Variants in SLC8A1 observed in about 807,000 individuals in gnomAD.
The protein encoded by SLC8A1 is solute carrier family 8 member A1.
A neutral mutation model predicts 68.3 loss-of-function variants in SLC8A1; 18 were observed. The ratio of observed to expected loss-of-function variants is 0.26; its 90% CI spans 0.18 to 0.39. The LOEUF (loss-of-function observed/expected upper bound fraction) is 0.39, where lower values mean the gene tolerates loss of function less well. Among genes scored for constraint, SLC8A1 ranks in the 10% least tolerant of loss-of-function variants. The pLI is 1.00. For synonymous variants in SLC8A1, 475 were observed against 415.5 expected, an observed-to-expected ratio of 1.14 and a Z score of -1.74; for missense variants, 985 against 1,156.7, an observed-to-expected ratio of 0.85 and a Z score of 2.15.
intron 2 of SLC8A1, among the ~76,000 whole-genome samples, chr2:40,338,676 G>A (rs1175592492): frequency 6.6e-6 from 1 of 152,180 alleles, no homozygotes; most frequent in African/African-American, 2.4e-5. Context: ...AACAAAACAA[G>A]TTGTGTCATA....
chr2:40,464,296 A>C (rs1363644027), intron 1 of SLC8A1, among the ~76,000 whole-genome samples: 1 of 152,204 alleles, frequency 6.6e-6, no homozygotes, highest in Non-Finnish European at 1.5e-5. Flanking sequence ...GTAAACAAAA[A>C]CAGCACTGGC....
chr2:40,113,721 T>C (rs1174100866), exon 8 of SLC8A1: 1 of 152,690 alleles, frequency 6.5e-6, no homozygotes, highest in African/African-American at 2.4e-5. Flanking sequence ...AAATAAATAC[T>C]TTGCAGGGAG....
At chr2:40,447,778 A>T (rs1172818587) in intron 1 of SLC8A1, among the ~76,000 whole-genome samples, 1 of 152,182 alleles carries the variant, frequency 6.6e-6, no homozygotes, top group Non-Finnish European at 1.5e-5. Flanking sequence ...GAACCTGGGA[A>T]TGCTTTGCCC....
intron 1 of SLC8A1, among the ~76,000 whole-genome samples, chr2:40,509,954 A>C (rs1344490308): frequency 6.6e-6 from 1 of 151,800 alleles, no homozygotes. Context: ...CAGCCTCCCG[A>C]GTAGCTGGGA....
chr2:40,265,181 G>A (rs547734012), intron 2 of SLC8A1, among the ~76,000 whole-genome samples: 32 of 152,316 alleles, frequency 2.1e-4, no homozygotes, highest in African/African-American at 7.7e-4. Context: ...TAGACGATGG[G>A]CATGCAGCAT....
chr2:40,294,561 G>T (rs1044500878), intron 2 of SLC8A1, among the ~76,000 whole-genome samples: 1 of 152,036 alleles, frequency 6.6e-6, no homozygotes, highest in African/African-American at 2.4e-5. Flanking sequence ...GGGAGAGAGA[G>T]GGAGAGAGAG....
chr2:40,308,528 T>G (rs1241746260), intron 2 of SLC8A1, among the ~76,000 whole-genome samples: 4 of 152,084 alleles, frequency 2.6e-5, no homozygotes, highest in African/African-American at 9.7e-5. Context: ...AGGAAGAAGC[T>G]TGGAAGGTTT....
At chr2:40,382,602 A>G (rs1682220600) in intron 2 of SLC8A1, among the ~76,000 whole-genome samples, 1 of 152,126 alleles carries the variant, frequency 6.6e-6, no homozygotes, top group South Asian at 2.1e-4. Context: ...TAAAGAAGAC[A>G]ATTATAAAAG....
In SLC8A1 at chr2:40,129,405, C is replaced by CT. The variant is rs11366756; in HGVS notation, c.2437+9995dup. On this transcript the variant is annotated intron_variant, in intron 7 of 7. Coordinates refer to ENST00000406785, the Ensembl canonical transcript of SLC8A1. The stretch of plus-strand genomic sequence containing the variant: ...ACCACCATGCCCAGCTAATTTAAAA[C>CT]TTTTTTTTTTTGTAGACACAGGGTC... Among the ~76,000 whole-genome samples, 122 of 149,834 alleles carry CT rather than the reference C, an allele frequency of 8.1e-4. 2 individuals carry two copies. The highest frequency in any genetic ancestry group is 2.8e-3 in the African/African-American group (116 of 40,746).
intron 2 of SLC8A1, among the ~76,000 whole-genome samples, chr2:40,300,958 T>C (rs976400747): frequency 6.6e-6 from 1 of 152,100 alleles, no homozygotes; most frequent in African/African-American, 2.4e-5. Context: ...TACGTAATTG[T>C]CCTTTTTATG....
intron 2 of SLC8A1, among the ~76,000 whole-genome samples, chr2:40,321,296 C>T (rs182434059): frequency 2.7e-4 from 41 of 151,762 alleles, no homozygotes; most frequent in Non-Finnish European, 5.4e-4. Context: ...GTATGGTTTG[C>T]ACAAGTAAAT....
At chr2:40,440,701 G>A (rs983057131) in intron 1 of SLC8A1, among the ~76,000 whole-genome samples, 6 of 152,184 alleles carry the variant, frequency 3.9e-5, no homozygotes, top group Admixed American at 6.5e-5. Context: ...CTCAATAGAC[G>A]CAGAAAAGGC....
At chr2:40,439,899 A>G (rs937475504) in intron 1 of SLC8A1, among the ~76,000 whole-genome samples, 2 of 152,186 alleles carry the variant, frequency 1.3e-5, no homozygotes, top group African/African-American at 2.4e-5. Context: ...ACAATTTTCT[A>G]AAGTTCCTGA....
At chr2:40,230,737 T>C (rs542647106) in intron 2 of SLC8A1, among the ~76,000 whole-genome samples, 13 of 152,322 alleles carry the variant, frequency 8.5e-5, no homozygotes, top group African/African-American at 2.9e-4. Flanking sequence ...CTATACCATA[T>C]TTACTTACAG....
At chr2:40,240,783 C>T (rs1006100598) in intron 2 of SLC8A1, among the ~76,000 whole-genome samples, 4 of 152,124 alleles carry the variant, frequency 2.6e-5, no homozygotes, top group Admixed American at 6.5e-5. Flanking sequence ...GAGACTGAGG[C>T]AGGAGGATTG....
chr2:40,132,153 A>G (rs572766405), intron 7 of SLC8A1, among the ~76,000 whole-genome samples: 1 of 152,064 alleles, frequency 6.6e-6, no homozygotes. Flanking sequence ...AATTTCTTAA[A>G]ACGTTTGTGA....
chr2:40,287,834 T>C (rs2068599679), intron 2 of SLC8A1, among the ~76,000 whole-genome samples: 2 of 151,950 alleles, frequency 1.3e-5, no homozygotes, highest in African/African-American at 4.8e-5. Flanking sequence ...CCCTTTGCTC[T>C]GCTGCTTGTC....
intron 2 of SLC8A1, among the ~76,000 whole-genome samples, chr2:40,217,532 C>CTCT (rs2057683200): frequency 6.6e-6 from 1 of 152,082 alleles, no homozygotes; most frequent in Admixed American, 6.6e-5. Flanking sequence ...GGTTTTCTTT[C>CTCT]TGTTGTTGTT....
intron 7 of SLC8A1, among the ~76,000 whole-genome samples, chr2:40,117,785 CTGT>C (rs957075677): frequency 2.6e-5 from 4 of 152,162 alleles, no homozygotes; most frequent in South Asian, 2.1e-4. Context: ...TCTCTCCCCT[CTGT>C]TGTTATGCTA....
Sources: allele counts gnomAD v4.1 joint callset (sites outside exome capture counted in the v4.1 genomes callset), GRCh38; gene constraint gnomAD v4.1.1; transcripts MANE v1.5; gene names NCBI Gene and HGNC (gene_info 2026-07-23, HGNC 2026-07-21).